MROH1: variants seen among roughly 807,000 people sequenced by gnomAD.
MROH1 encodes maestro heat-like repeat-containing protein family member 1.
In MROH1, 117 loss-of-function variants were observed where a neutral mutation model predicts 116.5. That is an observed-to-expected ratio of 1.00 (90% CI 0.86 to 1.17). MROH1 has a LOEUF of 1.17. Ranked by LOEUF, MROH1 falls within the 50% of genes most tolerant of loss-of-function variation. MROH1 has a pLI of 0.00. For missense variants in MROH1, 1,873 were observed against 1,338.5 expected, an observed-to-expected ratio of 1.40 and a Z score of -6.23; for synonymous variants, 921 against 583.9, an observed-to-expected ratio of 1.58 and a Z score of -8.32.
chr8:144,260,737 C>T lies in MROH1; in HGVS notation c.4441C>T (p.His1481Tyr), dbSNP rs1844882992. The T allele has an allele frequency of 2.8e-5, 22 of 779,458 alleles. No homozygotes were observed. Among genetic ancestry groups the T allele is most frequent in the South Asian group, 2.8e-4 (21 of 74,622 alleles). 48.3% of individuals were successfully genotyped at this position (779,458 alleles called of 1,614,324 possible). A position where few individuals can be genotyped will look rare whatever the true frequency, so the allele number is the denominator to read the frequency against. Residue 1481 changes from histidine (H) to tyrosine (Y), a missense_variant, in exon 40 of 44, where the codon CAC becomes TAC. Coordinates refer to ENST00000326134, the MANE Select transcript of MROH1 (RefSeq NM_032450.3). ...RLFGHLNKVC[H>Y]GDCEDVFLDQ... ...CTTTGGGCACCTTAACAAGGTCTGC[C>T]ACGGAGACTGTGAGGACGTCTTCCT...
intron 35 of MROH1, among the ~76,000 whole-genome samples, chr8:144,256,449 G>GCCCCCT (rs1843817281): frequency 1.3e-5 from 2 of 148,502 alleles, no homozygotes; most frequent in Admixed American, 1.3e-4. Flanking sequence ...CCGCACTTCA[G>GCCCCCT]CCCCCTCCCC....
At chr8:144,256,728 G>A (rs1843897467) in intron 35 of MROH1, among the ~76,000 whole-genome samples, 6 of 152,248 alleles carry the variant, frequency 3.9e-5, no homozygotes, top group Non-Finnish European at 8.8e-5. Context: ...TCGGACCCTT[G>A]TGGGTGCCAC....
intron 31 of MROH1, among the ~76,000 whole-genome samples, chr8:144,248,465 C>T (rs1411498960): frequency 6.6e-6 from 1 of 152,138 alleles, no homozygotes; most frequent in African/African-American, 2.4e-5. Context: ...AGGGGTAGGT[C>T]ACCAGGGCCT....
intron 1 of MROH1, among the ~76,000 whole-genome samples, chr8:144,157,989 C>CTTTTTTTTTTTT (rs1157662078): frequency 2.3e-5 from 2 of 88,862 alleles, no homozygotes; most frequent in African/African-American, 8.8e-5. Context: ...CTATTTCTTT[C>CTTTTTTTTTTTT]TTTTTTTTTT....
chr8:144,197,458 C>T (rs1390959533), intron 10 of MROH1, among the ~76,000 whole-genome samples: 12 of 46,032 alleles, frequency 2.6e-4, no homozygotes, highest in African/African-American at 1.4e-3. Flanking sequence ...TTTTTTGAGA[C>T]GGAATCTTGC....
At chr8:144,229,988 G>A (rs995454461) in intron 14 of MROH1, among the ~76,000 whole-genome samples, 1 of 152,118 alleles carries the variant, frequency 6.6e-6, no homozygotes, top group Admixed American at 6.6e-5. Context: ...GAGCTGAGAT[G>A]GCGCCACTGC....
intron 4 of MROH1, among the ~76,000 whole-genome samples, chr8:144,176,303 G>A (rs1564398671): frequency 6.6e-6 from 1 of 150,746 alleles, no homozygotes; most frequent in Non-Finnish European, 1.5e-5. Context: ...AACCTGGGAT[G>A]CAGAGGTTGC....
intron 4 of MROH1, 112 bp from the exon 5 acceptor site, chr8:144,179,343 A>G: frequency 1.4e-6 from 2 of 1,472,116 alleles, no homozygotes; most frequent in Non-Finnish European, 1.8e-6. Context: ...CCCCTCCTGC[A>G]CTTGAGGCAG....
rs756078040 is a variant in MROH1, at chr8:144,180,318, C to T, written c.441C>T (p.Leu147=). 9.3e-6 allele frequency: 15 copies of T among 1,606,670 alleles called. No individual in the cohort carries two copies. Among genetic ancestry groups the T allele is most frequent in the Middle Eastern group, 1.7e-4 (1 of 6,056 alleles). The stretch of plus-strand genomic sequence containing the variant: ...CACACTGCGCCGTGCTGCACACCCT[C>T]GCCAGCCTCTCGGTGGCCAACGGTA... ...TLPHCAVLHT[L]ASLSVANAFG... is the part of the protein sequence containing the mutation. Residue 147 remains leucine, a synonymous_variant, in exon 6 of 44, where the codon CTC becomes CTT. Coordinates refer to ENST00000326134, the MANE Select transcript of MROH1 (RefSeq NM_032450.3). This position sits in a 1 kb window ranked among gnomAD's most constrained non-coding sequence, Gnocchi z 7.4.
intron 12 of MROH1, among the ~76,000 whole-genome samples, chr8:144,220,119 G>A (rs576554856): frequency 1.6e-3 from 245 of 152,282 alleles, no homozygotes; most frequent in South Asian, 2.9e-3. Context: ...ATCCAGAAAT[G>A]AAGGCCCTGT....
At chr8:144,184,329 C>T (rs990901680) in intron 7 of MROH1, among the ~76,000 whole-genome samples, 3 of 152,122 alleles carry the variant, frequency 2.0e-5, no homozygotes, top group Admixed American at 6.6e-5. Context: ...TTCCCTGGAG[C>T]GCAGGGTCTC....
At chr8:144,170,967 G>A (rs535931084) in intron 4 of MROH1, among the ~76,000 whole-genome samples, 1 of 152,338 alleles carries the variant, frequency 6.6e-6, no homozygotes, top group African/African-American at 2.4e-5. Flanking sequence ...AACTCACATT[G>A]TTTTCTCTGC....
rs1290394683 is a variant in MROH1 at position 144,250,218 on chromosome 8, G to A, written c.3280G>A (p.Glu1094Lys). ...RGGVLQEKVP[E>K]IVSVLRSKLQ... is the part of the protein sequence containing the mutation. ...GTGTCCCGCCCATCTACAGGTGCCC[G>A]AGATCGTGAGCGTCCTGCGCTCCAA... is the stretch of plus-strand genomic sequence containing the variant. Residue 1094 changes from glutamate to lysine, a missense_variant, in exon 33 of 44, where the codon GAG (glutamate) becomes AAG (lysine). Coordinates refer to ENST00000326134, the MANE Select transcript of MROH1 (RefSeq NM_032450.3). 1.8e-5 allele frequency: 14 copies of A among 766,730 alleles called. No individual in the cohort carries two copies. Among genetic ancestry groups the A allele is most frequent in the Admixed American group, 5.1e-5 (3 of 58,712 alleles). The allele number at this position is 766,730 out of a possible 1,614,324, so 47.5% of individuals were successfully genotyped here. A position where few individuals can be genotyped will look rare whatever the true frequency, so the allele number is the denominator to read the frequency against.
chr8:144,174,742 C>G (rs1823401696), intron 4 of MROH1: 4 of 772,570 alleles, frequency 5.2e-6, no homozygotes, highest in Non-Finnish European at 6.3e-6. Flanking sequence ...CTTGGCCTCC[C>G]AAAGTGCTGG....
intron 7 of MROH1, among the ~76,000 whole-genome samples, chr8:144,187,775 G>A (rs1383684056): frequency 6.6e-6 from 1 of 152,212 alleles, no homozygotes. Context: ...TGAAGGGGAC[G>A]AGGGGTACAG....
At position 144,180,536 on chromosome 8, in the gene MROH1, C is replaced by T. The variant is rs1825337331; in HGVS notation, c.562+13C>T. 8 of 1,605,754 alleles carry T rather than the reference C, an allele frequency of 5.0e-6. No individual in the cohort carries two copies. The highest frequency in any genetic ancestry group is 6.8e-6 in the Non-Finnish European group (8 of 1,178,636). The stretch of plus-strand genomic sequence containing the variant: ...GCCTTCTGCTCCGGTAAGAGGCGGC[C>T]TCGTCACCTTCTGTCTCAAGTGCCC... On this transcript the variant is annotated intron_variant, in intron 7 of 43. Coordinates refer to ENST00000326134, the MANE Select transcript of MROH1 (RefSeq NM_032450.3). This position sits in a 1 kb window ranked among gnomAD's most constrained non-coding sequence, Gnocchi z 7.4.
intron 34 of MROH1, 83 bp downstream of exon 34, chr8:144,255,061 G>C (rs1214328994): frequency 3.0e-6 from 2 of 668,852 alleles, no homozygotes; most frequent in African/African-American, 3.6e-5. Context: ...TTTTGATGAG[G>C]TGGCCCGGAC....
At chr8:144,164,112 A>G (rs891729096) in intron 3 of MROH1, among the ~76,000 whole-genome samples, 7 of 137,594 alleles carry the variant, frequency 5.1e-5, no homozygotes, top group African/African-American at 1.6e-4. Flanking sequence ...TTTTTTTTTT[A>G]AGACAGGGTC....
chr8:144,192,697 G>A, intron 10 of MROH1: 1 of 567,140 alleles, frequency 1.8e-6, no homozygotes, highest in Non-Finnish European at 3.2e-6. Context: ...GGTCAGCGCA[G>A]CTGAAGTGCC....
Sources: allele counts gnomAD v4.1 joint callset (sites outside exome capture counted in the v4.1 genomes callset), GRCh38; gene constraint gnomAD v4.1.1; non-coding constraint Gnocchi (gnomAD v3.1); transcripts MANE v1.5; gene names NCBI Gene and HGNC (gene_info 2026-07-23, HGNC 2026-07-21).